The following ZNF48 variants were observed in gnomAD, a reference collection of about 807,000 sequenced individuals.
The protein encoded by ZNF48 is zinc finger protein 553.
Under a neutral mutation model 40.0 loss-of-function variants are expected in ZNF48, and 20 were observed. That is an observed-to-expected ratio of 0.50 (90% confidence interval 0.35 to 0.73). The LOEUF (loss-of-function observed/expected upper bound fraction) is 0.73. Among genes scored for constraint, ZNF48 ranks in the 30% least tolerant of loss-of-function variants. The pLI is 0.01. For missense variants in ZNF48, 726 were observed against 851.9 expected (o/e 0.85, Z 1.84); for synonymous variants, 298 against 329.7 (o/e 0.90, Z 1.04).
chr16:30,391,057 T>A (rs1597015943), upstream of ZNF48, among the ~76,000 whole-genome samples: 1 of 151,942 alleles, frequency 6.6e-6, no homozygotes, highest in East Asian at 1.9e-4. Flanking sequence ...TTACATTCTA[T>A]CTTCATCTTT....
chr16:30,382,693 TGCCACCTCCTGGACCCCTTTGCCCATCA>T lies in ZNF48; in HGVS notation c.-16+4284_-16+4311del. ...GGCCAAGGCCAAGAACACTTGGGGT[TGCCACCTCCTGGACCCCTTTGCCCATCA>T]CCTGTCTACGTACCTTCAACCCTCC... On this transcript the variant is annotated intron_variant, in intron 1 of 2. Coordinates refer to the ZNF48 transcript ENST00000528032. The surrounding 1 kb of genome is among the most constrained non-coding windows in gnomAD (Gnocchi z 4.8). The T allele has an allele frequency of 1.3e-6, 2 of 1,531,462 alleles. No homozygotes were observed. Among genetic ancestry groups the T allele is most frequent in the Non-Finnish European group, 8.8e-7 (1 of 1,141,268 alleles). The allele number at this position is 1,531,462 out of a possible 1,614,324, so 94.9% of individuals were successfully genotyped here.
intron 1 of ZNF48, chr16:30,380,153 G>A: frequency 6.9e-6 from 5 of 720,956 alleles, no homozygotes; most frequent in Non-Finnish European, 1.1e-5. Flanking sequence ...AGACATGAAA[G>A]ACAGAGATGG....
At chr16:30,379,315 C>G (rs1328446903) in intron 1 of ZNF48, 2 of 1,435,420 alleles carry the variant, frequency 1.4e-6, no homozygotes, top group East Asian at 2.3e-5. Flanking sequence ...CCAGCGACCC[C>G]CCTTTCCTCC....
rs371779944 is a variant in ZNF48 at position 30,397,609 on chromosome 16, G to A, written c.359G>A (p.Ser120Asn). The part of the protein sequence containing the change: ...RAAVCGECGK[S>N]FRQMSDLVKH... ...GCTGTGTGTGGTGAGTGTGGCAAAA[G>A]CTTCAGGCAGATGTCAGATCTGGTG... The change falls in exon 3 of 3, where the codon AGC becomes AAC. Residue 120 changes from serine to asparagine, a missense_variant. Transcript: ENST00000613509. This position sits in a 1 kb window ranked among gnomAD's most constrained non-coding sequence, Gnocchi z 4.1. 6.2e-6 allele frequency: 10 copies of A among 1,614,020 alleles called. No homozygotes were observed. In the African/African-American group the frequency reaches 1.3e-4, roughly 22 times the overall value.
At chr16:30,385,580 A>AC (rs11448110) in intron 1 of ZNF48, among the ~76,000 whole-genome samples, 92,838 of 151,510 alleles carry the variant, frequency 0.61, 29,287 homozygotes, top group East Asian at 0.92. Context: ...AGCCAAGATC[A>AC]CACCACTGCA....
chr16:30,385,115 C>T (rs530483033), intron 1 of ZNF48, among the ~76,000 whole-genome samples: 15 of 151,282 alleles, frequency 9.9e-5, no homozygotes, highest in Admixed American at 5.3e-4. Context: ...GTGAAGTTTG[C>T]GGTGAGCTGA....
chr16:30,395,225 C>T (rs926650300), upstream of ZNF48: 4 of 456,242 alleles, frequency 8.8e-6, no homozygotes, highest in East Asian at 6.9e-5. The surrounding 1 kb of genome is among the most constrained non-coding windows in gnomAD (Gnocchi z 5.9). Flanking sequence ...GCCTCACCAC[C>T]CAGCTGCAGC....
Position 30,397,019 on chromosome 16 carries a change from C to T in ZNF48, c.80-311C>T, listed in dbSNP as rs2049990713. 6.6e-6 allele frequency among the ~76,000 whole-genome samples: 1 copy of T among 152,094 alleles called. No individual in the cohort carries two copies. Among genetic ancestry groups the T allele is most frequent in the South Asian group, 2.1e-4 (1 of 4,824 alleles). ...CTTTGCTACTTTCTAACCTTTATAA[C>T]CTCCAGCAAAAGGACTTAAATTCTC... On this transcript the variant is annotated intron_variant, in intron 2 of 2. Coordinates refer to ENST00000613509, the MANE Select transcript of ZNF48 (RefSeq NM_001214909.2). This position sits in a 1 kb window ranked among gnomAD's most constrained non-coding sequence, Gnocchi z 4.1.
intron 1 of ZNF48, chr16:30,379,577 A>G (rs367740501): frequency 4.6e-5 from 67 of 1,456,250 alleles, no homozygotes; most frequent in South Asian, 4.1e-4. Context: ...CTCACACGGC[A>G]GAAACTTTCT....
At chr16:30,392,812 T>G (rs2049952877), upstream of ZNF48, among the ~76,000 whole-genome samples, 1 of 152,126 alleles carries the variant, frequency 6.6e-6, no homozygotes, top group Admixed American at 6.6e-5. Flanking sequence ...CCTATAAAAT[T>G]TTGTCCATAC....
exon 1 of ZNF48, chr16:30,378,359 G>A: frequency 1.5e-6 from 2 of 1,367,788 alleles, no homozygotes; most frequent in Non-Finnish European, 2.0e-6. Context: ...GGGGCGCTGG[G>A]CAGTGTGGGG....
Position 30,379,547 on chromosome 16 carries a change from G to A in ZNF48, c.-16+1137G>A, listed in dbSNP as rs748987262. 3.1e-6 allele frequency: 5 copies of A among 1,607,704 alleles called. No homozygotes were observed. The Admixed American group carries it at 6.7e-5, about 21-fold the overall frequency. On this transcript the variant is annotated intron_variant, in intron 1 of 2. Transcript: ENST00000528032. ...AAGGGATGCTTTCCTGGAGGGCAGG[G>A]GGCAGGGGTTCACCATTGGCTCACA...
upstream of ZNF48, chr16:30,395,267 C>T (rs73532601): frequency 3.2e-3 from 1,458 of 456,194 alleles, 16 homozygotes; most frequent in African/African-American, 0.027. The surrounding 1 kb of genome is among the most constrained non-coding windows in gnomAD (Gnocchi z 5.9). Flanking sequence ...CCACCGAGTT[C>T]GGGCCGCCGG....
At position 30,399,286 on chromosome 16, in the gene ZNF48, G is replaced by T. The variant is rs901706086; in HGVS notation, c.*179G>T. ...GAAGCTCAGGAAACTGTCCTGGCTG[G>T]GCTGAGTCAGGACCTTGCCAGGACG... On this transcript the variant is annotated 3_prime_UTR_variant, in exon 3 of 3. Coordinates refer to ENST00000613509, the MANE Select transcript of ZNF48 (RefSeq NM_001214909.2). 1 of 659,148 alleles carries T rather than the reference G, an allele frequency of 1.5e-6. No homozygotes were observed. Among genetic ancestry groups the T allele is most frequent in the African/African-American group, 1.8e-5 (1 of 55,228 alleles). 40.8% of individuals were successfully genotyped at this position (659,148 alleles called of 1,614,324 possible).
At chr16:30,379,195 G>C (rs760839269) in intron 1 of ZNF48, 9 of 1,613,516 alleles carry the variant, frequency 5.6e-6, no homozygotes. Context: ...TGGAGGGGGG[G>C]CGGCGCGGAC....
At position 30,399,188 on chromosome 16, in the gene ZNF48, T is replaced by C; in HGVS notation, c.*81T>C. On this transcript the variant is annotated 3_prime_UTR_variant, in exon 3 of 3. Coordinates refer to ENST00000613509, the MANE Select transcript of ZNF48 (RefSeq NM_001214909.2). ...AGCAGAGAAGAAAGGGCCTGGGAGG[T>C]GGTGGGAGGGAGAAGGAAGGGAAGA... 1 of 1,341,522 alleles carries C rather than the reference T, an allele frequency of 7.5e-7. No homozygotes were observed. Among genetic ancestry groups the C allele is most frequent in the Non-Finnish European group, 1.0e-6 (1 of 998,838 alleles). The allele number at this position is 1,341,522 out of a possible 1,614,324, so 83.1% of individuals were successfully genotyped here.
intron 1 of ZNF48, chr16:30,380,904 C>A (rs2049837277): frequency 1.7e-6 from 1 of 588,580 alleles, no homozygotes; most frequent in Non-Finnish European, 3.0e-6. Context: ...CTCAAATAGG[C>A]CTCAGCCAGG....
chr16:30,383,078 AG>A (rs1407964705), intron 1 of ZNF48: 13 of 469,010 alleles, frequency 2.8e-5, no homozygotes, highest in Non-Finnish European at 5.1e-5. Context: ...GCTACTGGGG[AG>A]GCTGAGGTGG....
intron 1 of ZNF48, among the ~76,000 whole-genome samples, chr16:30,386,166 C>G (rs922889261): frequency 6.6e-5 from 10 of 151,802 alleles, no homozygotes; most frequent in Admixed American, 4.6e-4. Flanking sequence ...GTTGCCCCAG[C>G]TAGTTGGGAG....
Sources: allele counts gnomAD v4.1 joint callset (sites outside exome capture counted in the v4.1 genomes callset), GRCh38; gene constraint gnomAD v4.1.1; non-coding constraint Gnocchi (gnomAD v3.1); transcripts MANE v1.5; gene names NCBI Gene and HGNC (gene_info 2026-07-23, HGNC 2026-07-21).